Variants in COL4A4 observed in about 807,000 individuals in gnomAD.
COL4A4 encodes the protein collagen alpha-4(IV) chain.
A neutral mutation model predicts 192.9 loss-of-function variants in COL4A4; 105 were observed. The observed-to-expected ratio is 0.54, with a 90% confidence interval of 0.46 to 0.64. The LOEUF (loss-of-function observed/expected upper bound fraction) is 0.64, where lower values mean the gene tolerates loss of function less well. Among genes scored for constraint, COL4A4 ranks in the 30% least tolerant of loss-of-function variants. The pLI, the probability that COL4A4 is intolerant of heterozygous loss-of-function variation, is 0.00. For synonymous variants in COL4A4, 762 were observed against 769.9 expected (o/e 0.99, Z 0.17); for missense variants, 1,967 against 2,169.3 (o/e 0.91, Z 1.85).
At chr2:226,972,001 G>T in the COL4A4 span, among the ~76,000 whole-genome samples, 1 of 151,640 alleles carries the variant, frequency 6.6e-6, no homozygotes, top group Non-Finnish European at 1.5e-5. Context: ...ACGGTGGTTT[G>T]CTGCACCTGT....
chr2:227,087,924 T>C (rs2059690569), intron 22 of COL4A4, among the ~76,000 whole-genome samples: 1 of 152,106 alleles, frequency 6.6e-6, no homozygotes, highest in Non-Finnish European at 1.5e-5. Context: ...CTACAATCGA[T>C]GGTGATGGCG....
At chr2:227,084,150 G>A (rs4592846) in intron 22 of COL4A4, among the ~76,000 whole-genome samples, 75,814 of 151,898 alleles carry the variant, frequency 0.5, 18,988 homozygotes, top group South Asian at 0.62. Flanking sequence ...ATGTAGGTTG[G>A]GTTTTCTTTT....
the COL4A4 span, among the ~76,000 whole-genome samples, chr2:226,968,794 G>A: frequency 2.0e-5 from 3 of 152,108 alleles, no homozygotes; most frequent in South Asian, 2.1e-4. Flanking sequence ...AAGTATAATC[G>A]GTGTTTGCAG....
chr2:227,104,414 C>CAAAAAA (rs60259710), intron 12 of COL4A4, among the ~76,000 whole-genome samples: 7 of 96,864 alleles, frequency 7.2e-5, no homozygotes, highest in Admixed American at 1.2e-4. Context: ...ACTAAAAATA[C>CAAAAAA]AAAAAAAAAA....
Position 227,094,154 on chromosome 2 carries a change from G to A in COL4A4, c.1340C>T (p.Pro447Leu), listed in dbSNP as rs952623313. The change falls in exon 20 of 48, where the codon CCA (proline) becomes CTA (leucine). Residue 447 changes from proline (P) to leucine (L), a missense_variant. Pro to Leu is a moderately conservative substitution (Grantham distance 98). Coordinates refer to ENST00000396625, the MANE Select transcript of COL4A4 (RefSeq NM_000092.5). ...TGATCCTGGGAGGCCCTGCAGGCCTGGTGCTCCAGGCAAGCCAGGTGATCC... is the reference window on the plus strand; with the variant it reads ...TGATCCTGGGAGGCCCTGCAGGCCTAGTGCTCCAGGCAAGCCAGGTGATCC... ...KPGSPGLPGA[P>L]GLQGLPGSSV... 1 of 1,613,548 alleles carries A rather than the reference G, an allele frequency of 6.2e-7. No homozygotes were observed. The highest frequency in any genetic ancestry group is 1.3e-5 in the African/African-American group (1 of 74,904).
At chr2:227,045,830 A>G (rs1337100680) in intron 35 of COL4A4, among the ~76,000 whole-genome samples, 739 of 51,336 alleles carry the variant, frequency 0.014, 105 homozygotes, top group African/African-American at 0.072. Flanking sequence ...ATATATATAT[A>G]TACACACATA....
chr2:227,079,586 A>G (rs887227638), intron 24 of COL4A4, among the ~76,000 whole-genome samples: 3 of 152,172 alleles, frequency 2.0e-5, no homozygotes. Context: ...CCCTGTTGCA[A>G]CACTCTCAGT....
At position 227,017,286 on chromosome 2, in the gene COL4A4, C is replaced by G. The variant is rs115828755; in HGVS notation, c.4216+4762G>C. ...TTAGGGTGAGGCAAAGAGAAATTGT[C>G]AGGCGGAAGACATTTCCTGAGAAAC... On this transcript the variant is annotated intron_variant, in intron 44 of 47. Transcript: ENST00000396625. 5.4e-3 allele frequency among the ~76,000 whole-genome samples: 828 copies of G among 152,304 alleles called. 10 individuals carry two copies. Among genetic ancestry groups the G allele is most frequent in the African/African-American group, 0.019 (798 of 41,568 alleles).
chr2:227,104,201 A>T (rs377624665), intron 12 of COL4A4, 149 bp from the exon 13 acceptor site: 4 of 708,760 alleles, frequency 5.6e-6, no homozygotes, highest in African/African-American at 5.4e-5. Context: ...ATATAAAAGG[A>T]TATTTATTTT....
rs1228417263 is a variant in COL4A4 at position 227,003,348 on chromosome 2, T to C, written c.*3977A>G. ...ATTTTCAATGCAAGAGTAGCTGTTA[T>C]GTCCCACCGTATTAATGAGGGAAAT... On this transcript the variant is annotated 3_prime_UTR_variant, in exon 48 of 48. Coordinates refer to ENST00000396625, the MANE Select transcript of COL4A4 (RefSeq NM_000092.5). 2 of 152,228 alleles carry C rather than the reference T, an allele frequency of 1.3e-5. No homozygotes were observed. Among genetic ancestry groups the C allele is most frequent in the Admixed American group, 6.5e-5 (1 of 15,282 alleles). The allele number at this position is 152,228 out of a possible 1,614,324, so 9.4% of individuals were successfully genotyped here.
the COL4A4 span, among the ~76,000 whole-genome samples, chr2:226,967,826 A>G: frequency 6.6e-6 from 1 of 152,110 alleles, no homozygotes; most frequent in Non-Finnish European, 1.5e-5. Context: ...TAGAGGGGTT[A>G]CAATTTTCAT....
At chr2:227,105,510 G>A (rs1192408070) in intron 12 of COL4A4, among the ~76,000 whole-genome samples, 1 of 152,082 alleles carries the variant, frequency 6.6e-6, no homozygotes, top group Non-Finnish European at 1.5e-5. Context: ...ACTCTGGTTA[G>A]ATTAGATTAT....
intron 17 of COL4A4, among the ~76,000 whole-genome samples, chr2:227,101,085 G>A (rs1404923180): frequency 6.6e-6 from 1 of 152,156 alleles, no homozygotes; most frequent in Non-Finnish European, 1.5e-5. Flanking sequence ...TGGGATTACA[G>A]GCTTGAGCCA....
chr2:227,007,692 T>A, intron 47 of COL4A4, 104 bp from the exon 48 acceptor site: 1 of 1,452,358 alleles, frequency 6.9e-7, no homozygotes, highest in Non-Finnish European at 9.4e-7. Context: ...CATTTTTCCT[T>A]AGATTATTCC....
chr2:227,149,072 C>T (rs573651620), intron 1 of COL4A4, among the ~76,000 whole-genome samples: 5 of 152,210 alleles, frequency 3.3e-5, no homozygotes, highest in African/African-American at 1.2e-4. Context: ...TGGTCTTGAA[C>T]TCCTGACCTC....
intron 4 of COL4A4, 143 bp from the exon 5 acceptor site, chr2:227,121,291 G>A: frequency 1.0e-6 from 1 of 988,214 alleles, no homozygotes. Flanking sequence ...GCTGGAGATG[G>A]TGGCTCACAC....
chr2:227,093,547 C>A (rs1028056664), intron 20 of COL4A4, among the ~76,000 whole-genome samples: 6 of 151,972 alleles, frequency 3.9e-5, no homozygotes, highest in Non-Finnish European at 7.4e-5. Flanking sequence ...CCCGTGGCAC[C>A]CACCCAGAAG....
chr2:227,027,987 C>T lies in COL4A4; in HGVS notation c.3996G>A (p.Pro1332=), dbSNP rs1051737695. The T allele has an allele frequency of 6.2e-6, 10 of 1,611,756 alleles. No individual in the cohort carries two copies. Among genetic ancestry groups the T allele is most frequent in the African/African-American group, 5.3e-5 (4 of 74,808 alleles). The part of the protein sequence containing the change: ...GQKGPVGFPG[P]QGPHGFPGPP... ...GCCCAGGAAATCCATGTGGTCCCTGCGGTCCCGGGAATCCCACTGGTCCTT... is the reference window on the plus strand; with the variant it reads ...GCCCAGGAAATCCATGTGGTCCCTGTGGTCCCGGGAATCCCACTGGTCCTT... Residue 1332 remains proline, a synonymous_variant, in exon 42 of 48, where the codon CCG becomes CCA. Coordinates refer to ENST00000396625, the MANE Select transcript of COL4A4 (RefSeq NM_000092.5).
intron 1 of COL4A4, among the ~76,000 whole-genome samples, chr2:227,153,843 T>A (rs1397464768): frequency 1.1e-4 from 16 of 152,136 alleles, no homozygotes; most frequent in Admixed American, 1.0e-3. Flanking sequence ...GATGGTTTCA[T>A]GAAAGGATAA....
Sources: gnomAD v4.1 joint callset for allele counts (sites outside exome capture counted in the v4.1 genomes callset) on GRCh38, gnomAD v4.1.1 for gene constraint, MANE v1.5 for transcripts, NCBI Gene and HGNC (gene_info 2026-07-23, HGNC 2026-07-21) for gene names.